PARD3B: variants seen among roughly 807,000 people sequenced by gnomAD.
The protein encoded by PARD3B is partitioning defective 3 homolog B.
A neutral mutation model predicts 130.2 loss-of-function variants in PARD3B; 103 were observed. The observed-to-expected ratio is 0.79, with a 90% CI of 0.67 to 0.93. The LOEUF (loss-of-function observed/expected upper bound fraction) is 0.93, where lower values mean the gene tolerates loss of function less well. PARD3B is among the 40% of genes least tolerant of loss of function. PARD3B has a pLI of 0.00. For missense variants in PARD3B, 1,609 were observed against 1,499.2 expected, an observed-to-expected ratio of 1.07 and a Z score of -1.21; for synonymous variants, 583 against 553.2, an observed-to-expected ratio of 1.05 and a Z score of -0.76.
intron 2 of PARD3B, among the ~76,000 whole-genome samples, chr2:204,713,486 G>A (rs1226683420): frequency 4.6e-5 from 7 of 151,474 alleles, no homozygotes; most frequent in East Asian, 2.0e-4. Flanking sequence ...TGTAACCGTC[G>A]CCACCATTTA....
chr2:205,532,716 T>G (rs2051656605), intron 21 of PARD3B, among the ~76,000 whole-genome samples: 1 of 152,160 alleles, frequency 6.6e-6, no homozygotes, highest in Non-Finnish European at 1.5e-5. Context: ...ACTGGAAATT[T>G]CCCTTAAACT....
intron 2 of PARD3B, among the ~76,000 whole-genome samples, chr2:204,724,636 G>A (rs975801505): frequency 2.0e-5 from 3 of 152,104 alleles, no homozygotes; most frequent in Non-Finnish European, 4.4e-5. Flanking sequence ...GCATAACTTG[G>A]AGAGGTGACC....
intron 3 of PARD3B, among the ~76,000 whole-genome samples, chr2:205,032,549 C>T (rs1157109415): frequency 6.6e-6 from 1 of 152,138 alleles, no homozygotes; most frequent in Non-Finnish European, 1.5e-5. Flanking sequence ...ATCAGATTTT[C>T]CTCTGGCACT....
At chr2:204,832,671 T>C (rs547136542) in intron 2 of PARD3B, among the ~76,000 whole-genome samples, 17 of 152,214 alleles carry the variant, frequency 1.1e-4, no homozygotes, top group African/African-American at 3.1e-4. Flanking sequence ...TTGGCTGTGA[T>C]GGGTACGCTG....
chr2:205,063,904 A>G (rs1700203019), intron 4 of PARD3B, among the ~76,000 whole-genome samples: 1 of 151,240 alleles, frequency 6.6e-6, no homozygotes, highest in African/African-American at 2.4e-5. Flanking sequence ...TTGTAGGCAA[A>G]GATACAAGTA....
chr2:205,056,028 T>C (rs541993221), intron 4 of PARD3B, among the ~76,000 whole-genome samples: 14 of 152,084 alleles, frequency 9.2e-5, no homozygotes, highest in Non-Finnish European at 1.8e-4. Flanking sequence ...CTTCCATAGG[T>C]TCTGAACTTC....
rs542203299 is a variant in PARD3B, at chr2:205,297,273, GA to G, written c.2186-3247del. Among the ~76,000 whole-genome samples, 281 of 148,398 alleles carry G rather than the reference GA, an allele frequency of 1.9e-3. 1 individual carries two copies. Among genetic ancestry groups the G allele is most frequent in the African/African-American group, 5.6e-3 (229 of 40,576 alleles). ...GACCCCTGGTTTTAGTGAAAGCCTA[GA>G]AAAAAAAAATGTGATTTTTGTAAAT... On this transcript the variant is annotated intron_variant, in intron 16 of 22. Transcript: ENST00000406610.
chr2:204,777,613 A>G (rs142872092), intron 2 of PARD3B, among the ~76,000 whole-genome samples: 38 of 152,136 alleles, frequency 2.5e-4, no homozygotes, highest in African/African-American at 9.2e-4. Context: ...ACAAAAAATT[A>G]AAAAAATTAG....
rs1448519560 is a variant in PARD3B at position 205,309,565 on chromosome 2, A to G, written c.2630+7864A>G. Among the ~76,000 whole-genome samples, 1 of 152,062 alleles carries G rather than the reference A, an allele frequency of 6.6e-6. No homozygotes were observed. The highest frequency in any genetic ancestry group is 1.9e-4 in the East Asian group (1 of 5,186). ...TGCTGTGAATTATTTTAAAAAGAACACTCCTACACACACATCACACCTACC... is the reference window on the plus strand; with the variant it reads ...TGCTGTGAATTATTTTAAAAAGAACGCTCCTACACACACATCACACCTACC... On this transcript the variant is annotated intron_variant, in intron 18 of 22. Transcript: ENST00000406610. This position sits in a 1 kb window ranked among gnomAD's most constrained non-coding sequence, Gnocchi z 4.7.
In PARD3B at chr2:205,024,162, C is replaced by CTTTTTTTT. The variant is rs1172893472; in HGVS notation, c.395-23404_395-23397dup. On this transcript the variant is annotated intron_variant, in intron 3 of 22. Coordinates refer to ENST00000406610, the MANE Select transcript of PARD3B (RefSeq NM_001302769.2). ...TGCCTCACCATCATTTTCTTTCTTT[C>CTTTTTTTT]TTTTTTTTTTTTTTTTTTTTTTGAG... Among the ~76,000 whole-genome samples, 440 of 98,684 alleles carry CTTTTTTTT rather than the reference C, an allele frequency of 4.5e-3. 1 individual carries two copies. The highest frequency in any genetic ancestry group is 9.1e-3 in the Middle Eastern group (1 of 110). 64.7% of individuals were successfully genotyped at this position (98,684 alleles called of 152,430 possible). A position where few individuals can be genotyped will look rare whatever the true frequency, so the allele number is the denominator to read the frequency against.
chr2:205,591,541 ACTATCC>A lies in PARD3B; in HGVS notation c.3261-23913_3261-23908del, dbSNP rs1181125402. Among the ~76,000 whole-genome samples the A allele has an allele frequency of 1.3e-5, 2 of 152,244 alleles. No individual in the cohort carries two copies. The highest frequency in any genetic ancestry group is 1.3e-4 in the Admixed American group (2 of 15,282). ...TACTCAGTGGAAGCAAATAACCATTACTATCCCAATTTGACAGAGGAAGAAACAGAC... is the reference window on the plus strand; with the variant it reads ...TACTCAGTGGAAGCAAATAACCATTACAATTTGACAGAGGAAGAAACAGAC... On this transcript the variant is annotated intron_variant, in intron 22 of 22. Coordinates refer to ENST00000406610, the MANE Select transcript of PARD3B (RefSeq NM_001302769.2). This position sits in a 1 kb window ranked among gnomAD's most constrained non-coding sequence, Gnocchi z 4.2.
intron 2 of PARD3B, among the ~76,000 whole-genome samples, chr2:204,708,938 G>A (rs899383722): frequency 6.6e-6 from 1 of 152,064 alleles, no homozygotes; most frequent in African/African-American, 2.4e-5. Context: ...ATTGTTCTCA[G>A]TATTTTTTGG....
intron 10 of PARD3B, among the ~76,000 whole-genome samples, chr2:205,129,437 T>C (rs1265753229): frequency 6.6e-6 from 1 of 152,248 alleles, no homozygotes; most frequent in Non-Finnish European, 1.5e-5. Flanking sequence ...GTGTGTTATG[T>C]GATACATCTT....
In PARD3B at chr2:205,003,161, T is replaced by C. The variant is rs1694985306; in HGVS notation, c.394+37838T>C. 2.6e-5 allele frequency among the ~76,000 whole-genome samples: 4 copies of C among 152,344 alleles called. No homozygotes were observed. In the South Asian group the frequency reaches 8.3e-4, roughly 32 times the overall value. Reference sequence around the variant, plus strand: ...TGGCCGTCCGGTCTTTATTGTGCTGTGCCATTTCGACATTGACTGCCTTTC... The same window carrying C: ...TGGCCGTCCGGTCTTTATTGTGCTGCGCCATTTCGACATTGACTGCCTTTC... On this transcript the variant is annotated intron_variant, in intron 3 of 22. Coordinates refer to ENST00000406610, the MANE Select transcript of PARD3B (RefSeq NM_001302769.2).
rs550541626 is a variant in PARD3B at position 204,650,702 on chromosome 2, A to C, written c.121-35479A>C. Reference sequence around the variant, plus strand: ...TGTAAGTGGGAGCTAAATGATGACAACTGTATCAGTCCATTTTCACATTGC... The same window carrying C: ...TGTAAGTGGGAGCTAAATGATGACACCTGTATCAGTCCATTTTCACATTGC... On this transcript the variant is annotated intron_variant, in intron 1 of 22. Transcript: ENST00000406610. 3.0e-3 allele frequency among the ~76,000 whole-genome samples: 456 copies of C among 152,266 alleles called. 9 individuals are homozygous for C. In the South Asian group the frequency reaches 0.039, roughly 13 times the overall value.
intron 12 of PARD3B, among the ~76,000 whole-genome samples, chr2:205,173,315 A>G (rs1159358170): frequency 6.6e-6 from 1 of 152,236 alleles, no homozygotes; most frequent in African/African-American, 2.4e-5. Context: ...AGTGGGGCTC[A>G]TTGTAGTTAA....
chr2:205,587,475 A>G (rs2054239421), intron 22 of PARD3B, among the ~76,000 whole-genome samples: 1 of 152,160 alleles, frequency 6.6e-6, no homozygotes, highest in East Asian at 1.9e-4. Context: ...CAATAATAAT[A>G]CCGTGGCCAT....
chr2:204,631,225 C>T (rs1056481423), intron 1 of PARD3B, among the ~76,000 whole-genome samples: 7 of 150,176 alleles, frequency 4.7e-5, no homozygotes, highest in African/African-American at 1.2e-4. Flanking sequence ...GTCATTGTAC[C>T]GATGGGTCTT....
intron 21 of PARD3B, among the ~76,000 whole-genome samples, chr2:205,542,201 TAATAAGATC>T (rs1248954808): frequency 5.4e-5 from 8 of 147,744 alleles, no homozygotes; most frequent in Admixed American, 4.7e-4. Context: ...ATAAAATTTT[TAATAAGATC>T]AATAAGATCA....
Sources: allele counts gnomAD v4.1 joint callset (sites outside exome capture counted in the v4.1 genomes callset), GRCh38; gene constraint gnomAD v4.1.1; non-coding constraint Gnocchi (gnomAD v3.1); transcripts MANE v1.5; gene names NCBI Gene and HGNC (gene_info 2026-07-23, HGNC 2026-07-21).